The following CSMD1 variants were observed in gnomAD, a reference collection of about 807,000 sequenced individuals.
CSMD1 encodes CUB and Sushi multiple domains 1.
Under a neutral mutation model 417.5 loss-of-function variants are expected in CSMD1, and 213 were observed. The ratio of observed to expected loss-of-function variants is 0.51; its 90% CI spans 0.46 to 0.57. The LOEUF is 0.57. CSMD1 is among the 20% of genes least tolerant of loss of function. CSMD1 has a pLI of 0.00. For missense variants in CSMD1, 6,923 were observed against 4,529.7 expected (o/e 1.53, Z -15.17); for synonymous variants, 2,862 against 1,736.8 (o/e 1.65, Z -16.11).
At position 3,384,718 on chromosome 8, in the gene CSMD1, A is replaced by G. The variant is rs1227300878; in HGVS notation, c.2782+2776T>C. ...ATATAAATTATATATAAATATATTT[A>G]TAATATTTATATATATTATATAAAT... is the stretch of plus-strand genomic sequence containing the variant. On this transcript the variant is annotated intron_variant, in intron 18 of 69. Transcript: ENST00000635120. Among the ~76,000 whole-genome samples the G allele has an allele frequency of 1.0e-4, 6 of 59,302 alleles. No homozygotes were observed. The Admixed American group carries it at 1.1e-3, about 11-fold the overall frequency. 38.9% of individuals were successfully genotyped at this position (59,302 alleles called of 152,430 possible). A position where few individuals can be genotyped will look rare whatever the true frequency, so the allele number is the denominator to read the frequency against.
intron 3 of CSMD1, among the ~76,000 whole-genome samples, chr8:4,406,737 G>C (rs58030887): frequency 6.6e-6 from 1 of 152,076 alleles, no homozygotes; most frequent in Non-Finnish European, 1.5e-5. Flanking sequence ...ACCAGAGAAT[G>C]TATTGTTTGC....
chr8:3,647,542 G>C (rs1341865211), intron 7 of CSMD1, among the ~76,000 whole-genome samples: 1 of 152,090 alleles, frequency 6.6e-6, no homozygotes, highest in East Asian at 1.9e-4. Flanking sequence ...ATATAGTATA[G>C]AGACAAATAC....
intron 26 of CSMD1, among the ~76,000 whole-genome samples, chr8:3,238,599 G>C (rs941001142): frequency 1.3e-5 from 2 of 152,010 alleles, no homozygotes; most frequent in African/African-American, 4.8e-5. Context: ...GGTAAGGGGT[G>C]ATATTGTGGG....
chr8:4,832,788 G>C (rs973604545), intron 1 of CSMD1, among the ~76,000 whole-genome samples: 2 of 152,140 alleles, frequency 1.3e-5, no homozygotes, highest in African/African-American at 2.4e-5. Flanking sequence ...AGTGGACCCA[G>C]AGAGCCGAGA....
At chr8:4,760,546 T>C (rs1046547245) in intron 1 of CSMD1, among the ~76,000 whole-genome samples, 7 of 152,190 alleles carry the variant, frequency 4.6e-5, no homozygotes, top group Admixed American at 2.0e-4. Flanking sequence ...TTTAGACATA[T>C]ATTATTGGCA....
At chr8:4,346,931 T>G (rs1237500474) in intron 3 of CSMD1, among the ~76,000 whole-genome samples, 1 of 152,142 alleles carries the variant, frequency 6.6e-6, no homozygotes, top group Admixed American at 6.6e-5. Flanking sequence ...AAATACTAAT[T>G]TGAAAGTGAG....
intron 33 of CSMD1, among the ~76,000 whole-genome samples, chr8:3,193,101 G>C (rs1049605898): frequency 6.6e-6 from 1 of 152,128 alleles, no homozygotes; most frequent in Non-Finnish European, 1.5e-5. Flanking sequence ...TATTGCATCT[G>C]TCACTTGTAT....
rs566095650 is a variant in CSMD1, at chr8:4,292,206, C to T, written c.415+127747G>A. Among the ~76,000 whole-genome samples the T allele has an allele frequency of 2.0e-4, 31 of 152,226 alleles. 1 individual carries two copies. Among genetic ancestry groups the T allele is most frequent in the Admixed American group, 1.7e-3 (26 of 15,280 alleles). ...GGATGGACTTATTTATTTGTATATG[C>T]TGCTTTTTCTTACTTTCCAAAGAAT... On this transcript the variant is annotated intron_variant, in intron 3 of 69. Transcript: ENST00000635120.
intron 5 of CSMD1, among the ~76,000 whole-genome samples, chr8:3,788,949 T>C (rs1286325085): frequency 6.6e-6 from 1 of 152,218 alleles, no homozygotes; most frequent in East Asian, 1.9e-4. Context: ...GACAGTATTG[T>C]AGAATTTAAA....
chr8:4,744,737 A>G (rs1474232648), intron 1 of CSMD1, among the ~76,000 whole-genome samples: 1 of 152,180 alleles, frequency 6.6e-6, no homozygotes, highest in Admixed American at 6.5e-5. Flanking sequence ...AATTATACTA[A>G]TTAGTGTATG....
intron 2 of CSMD1, among the ~76,000 whole-genome samples, chr8:4,565,987 A>G (rs1408329261): frequency 2.0e-5 from 3 of 151,864 alleles, no homozygotes; most frequent in African/African-American, 7.2e-5. Context: ...ATTTGGGTCT[A>G]TTGAACTATT....
chr8:4,462,710 G>C (rs1435042893), intron 2 of CSMD1, among the ~76,000 whole-genome samples: 3 of 152,100 alleles, frequency 2.0e-5, no homozygotes, highest in Non-Finnish European at 2.9e-5. Context: ...TTTGATTTTT[G>C]ACAAGATGCC....
At chr8:3,903,159 C>T (rs899996605) in intron 5 of CSMD1, among the ~76,000 whole-genome samples, 1 of 152,066 alleles carries the variant, frequency 6.6e-6, no homozygotes, top group Non-Finnish European at 1.5e-5. Flanking sequence ...GCTCTGCATT[C>T]CATTTAGCGA....
At chr8:3,583,537 A>G (rs1341598875) in intron 9 of CSMD1, among the ~76,000 whole-genome samples, 3 of 152,036 alleles carry the variant, frequency 2.0e-5, no homozygotes, top group Admixed American at 2.0e-4. Context: ...ACACAGATGG[A>G]CAGCTAAGGA....
intron 2 of CSMD1, among the ~76,000 whole-genome samples, chr8:4,443,895 C>G (rs1319296014): frequency 6.6e-6 from 1 of 152,144 alleles, no homozygotes; most frequent in Non-Finnish European, 1.5e-5. Context: ...TTCATTTCAT[C>G]ACATCTACAG....
intron 7 of CSMD1, among the ~76,000 whole-genome samples, chr8:3,659,960 A>C (rs1798326873): frequency 6.6e-6 from 1 of 152,244 alleles, no homozygotes; most frequent in Non-Finnish European, 1.5e-5. Context: ...ATAATTTCAA[A>C]CTTTTAAGAA....
intron 12 of CSMD1, among the ~76,000 whole-genome samples, chr8:3,423,144 T>G (rs169181): frequency 0.91 from 138,098 of 152,252 alleles, 62,755 homozygotes; most frequent in Middle Eastern, 0.95. Context: ...TATTTTTAAA[T>G]AATCAGTTTA....
intron 3 of CSMD1, among the ~76,000 whole-genome samples, chr8:4,388,999 G>A (rs1803659092): frequency 6.6e-6 from 1 of 152,092 alleles, no homozygotes; most frequent in Non-Finnish European, 1.5e-5. Flanking sequence ...CTTTGTAATT[G>A]TTCAGGTGTG....
At chr8:4,904,747 A>G (rs1349318947) in intron 1 of CSMD1, among the ~76,000 whole-genome samples, 3 of 152,252 alleles carry the variant, frequency 2.0e-5, no homozygotes, top group African/African-American at 7.2e-5. Context: ...AATTAAAAAA[A>G]CAAAAACACC....
Sources: allele counts gnomAD v4.1 joint callset (sites outside exome capture counted in the v4.1 genomes callset), GRCh38; gene constraint gnomAD v4.1.1; transcripts MANE v1.5; gene names NCBI Gene and HGNC (gene_info 2026-07-23, HGNC 2026-07-21).